The following PKLR variants were observed in gnomAD, a reference collection of about 807,000 sequenced individuals.
PKLR encodes pyruvate kinase L/R.
In PKLR, 38 loss-of-function variants were observed where a neutral mutation model predicts 53.6. The observed-to-expected ratio is 0.71, with a 90% CI of 0.55 to 0.93. The LOEUF is 0.93. Among genes scored for constraint, PKLR ranks in the 40% least tolerant of loss-of-function variants. The probability of loss-of-function intolerance (pLI) is 0.00; values close to 1 mark genes in which losing one functional copy is unlikely to be tolerated. For missense variants in PKLR, 702 were observed against 787.3 expected (o/e 0.89, Z 1.30); for synonymous variants, 328 against 316.2 (o/e 1.04, Z -0.39).
intron 10 of PKLR, among the ~76,000 whole-genome samples, chr1:155,290,955 C>A (rs1338132193): frequency 6.7e-6 from 1 of 150,282 alleles, no homozygotes; most frequent in Non-Finnish European, 1.5e-5. Context: ...CACCACTGCA[C>A]TCCAGCCTGG....
intron 5 of PKLR, 147 bp from the exon 6 acceptor site, chr1:155,294,899 A>T: frequency 8.5e-7 from 1 of 1,179,878 alleles, no homozygotes; most frequent in Non-Finnish European, 1.2e-6. Flanking sequence ...CGCCCGGAAG[A>T]GGCACAGATG....
rs757359024 is a variant in PKLR, at chr1:155,295,296, C to T, written c.514G>A (p.Glu172Lys). ...CCCTTCACCAGCTCCACTTCCGACT[C>T]TGGACCCTAAGGAGGGAGCCAGAGG... The part of the protein sequence containing the change: ...IRTGILQGGP[E>K]SEVELVKGSQ... Residue 172 changes from glutamate (E) to lysine (K), a missense_variant, in exon 5 of 11, where the codon GAG (glutamate) becomes AAG (lysine). Glu to Lys is a moderately conservative substitution (Grantham distance 56, BLOSUM62 1). Around this residue, in one of 2 missense-constraint regions of PKLR, gnomAD observed 519 missense variants for 537.1 expected, o/e 0.97. Coordinates refer to ENST00000342741, the MANE Select transcript of PKLR (RefSeq NM_000298.6). This position sits in a 1 kb window ranked among gnomAD's most constrained non-coding sequence, Gnocchi z 4.3. The T allele has an allele frequency of 3.1e-6, 5 of 1,614,042 alleles. No individual in the cohort carries two copies. The highest frequency in any genetic ancestry group is 4.2e-6 in the Non-Finnish European group (5 of 1,179,970).
chr1:155,299,860 C>T (rs778779698), intron 2 of PKLR, among the ~76,000 whole-genome samples: 8 of 152,124 alleles, frequency 5.3e-5, no homozygotes, highest in Non-Finnish European at 1.0e-4. Flanking sequence ...ATTGTGCTTA[C>T]TATTTATTGT....
At chr1:155,301,075 C>G (rs1647968993) in intron 1 of PKLR, 1 of 1,514,978 alleles carries the variant, frequency 6.6e-7, no homozygotes, top group African/African-American at 1.4e-5. Context: ...GGGAGTGCCC[C>G]GTGGCTTACA....
chr1:155,300,948 CA>C, intron 1 of PKLR: 1 of 1,590,562 alleles, frequency 6.3e-7, no homozygotes, highest in African/African-American at 1.3e-5. Context: ...GTTGGGTTGT[CA>C]GAGGCATGAG....
Position 155,293,062 on chromosome 1 carries a change from T to C in PKLR, c.1436+115A>G, listed in dbSNP as rs1647303778. The C allele has an allele frequency of 9.3e-7, 1 of 1,079,232 alleles. No individual in the cohort carries two copies. Among genetic ancestry groups the C allele is most frequent in the African/African-American group, 1.6e-5 (1 of 64,350 alleles). 66.9% of individuals were successfully genotyped at this position (1,079,232 alleles called of 1,614,324 possible). On this transcript the variant is annotated intron_variant, in intron 9 of 10. Transcript: ENST00000342741. The surrounding 1 kb of genome is among the most constrained non-coding windows in gnomAD (Gnocchi z 4.2). ...CAGCTGTCATTGCTGCCTCTCCTCT[T>C]GTCTCAGGTGGACACTCTTCACCCC...
intron 2 of PKLR, among the ~76,000 whole-genome samples, chr1:155,298,997 TC>T (rs1250102250): frequency 1.0e-5 from 1 of 98,148 alleles, no homozygotes; most frequent in Non-Finnish European, 1.9e-5. Context: ...TTTCTTTCTT[TC>T]TTTCTTTCTT....
Position 155,301,073 on chromosome 1 carries a change from C to T in PKLR, c.100+223G>A, listed in dbSNP as rs1025535874. 3 of 1,518,838 alleles carry T rather than the reference C, an allele frequency of 2.0e-6. 1 individual carries two copies. The highest frequency in any genetic ancestry group is 2.0e-5 in the Admixed American group (1 of 50,482). The allele number at this position is 1,518,838 out of a possible 1,614,324, so 94.1% of individuals were successfully genotyped here. ...CAGAGTCCAGGAACCACGGGAGTGC[C>T]CCGTGGCTTACATGCTGTGGCTCTG... On this transcript the variant is annotated intron_variant, in intron 1 of 10. Transcript: ENST00000342741.
chr1:155,295,066 G>T lies in PKLR; in HGVS notation c.694+50C>A. The T allele has an allele frequency of 6.3e-7, 1 of 1,591,016 alleles. No homozygotes were observed. Among genetic ancestry groups the T allele is most frequent in the Non-Finnish European group, 8.6e-7 (1 of 1,162,332 alleles). Reference sequence around the variant, plus strand: ...GGCTGATGGGGGAGCCAAGGAGAAGGGAATGTGCCCAGCGCACGGATGTGG... The same window carrying T: ...GGCTGATGGGGGAGCCAAGGAGAAGTGAATGTGCCCAGCGCACGGATGTGG... On this transcript the variant is annotated intron_variant, in intron 5 of 10. Transcript: ENST00000342741. This position sits in a 1 kb window ranked among gnomAD's most constrained non-coding sequence, Gnocchi z 4.3.
chr1:155,294,164 C>A, intron 7 of PKLR, 71 bp downstream of exon 7: 1 of 1,481,442 alleles, frequency 6.8e-7, no homozygotes, highest in Non-Finnish European at 9.4e-7. Flanking sequence ...TAAACCCCTA[C>A]AGTGTGGGTA....
In PKLR at chr1:155,293,126, G is replaced by T; in HGVS notation, c.1436+51C>A. The T allele has an allele frequency of 4.0e-6, 4 of 1,005,574 alleles. No individual in the cohort carries two copies. Among genetic ancestry groups the T allele is most frequent in the South Asian group, 1.3e-5 (1 of 79,928 alleles). 62.3% of individuals were successfully genotyped at this position (1,005,574 alleles called of 1,614,324 possible). On this transcript the variant is annotated intron_variant, in intron 9 of 10. Transcript: ENST00000342741. The surrounding 1 kb of genome is among the most constrained non-coding windows in gnomAD (Gnocchi z 4.2). ...AAACCCAAGCCTGGGGCCCGTCCCA[G>T]CCCACCCCTGACCCAAAGCTCCATC...
rs1572058535 is a variant in PKLR, at chr1:155,296,501, C to T, written c.284-745G>A. Among the ~76,000 whole-genome samples, 4 of 152,030 alleles carry T rather than the reference C, an allele frequency of 2.6e-5. No individual in the cohort carries two copies. The East Asian group carries it at 7.7e-4, about 29-fold the overall frequency. ...GGGATTACAGGTGTGCACCACCACG[C>T]CTGGCTAATTTTTTTGTATTTTTAG... On this transcript the variant is annotated intron_variant, in intron 2 of 10. Transcript: ENST00000342741.
Position 155,294,471 on chromosome 1 carries a change from C to G in PKLR, c.965+11G>C. 4 of 1,614,214 alleles carry G rather than the reference C, an allele frequency of 2.5e-6. No homozygotes were observed. The highest frequency in any genetic ancestry group is 2.5e-6 in the Non-Finnish European group (3 of 1,180,032). Reference sequence around the variant, plus strand: ...CGACAGGGCCGAAGGGGAACAGAGCCCAAGCCTCACCTCTTCACGCCTTCG... The same window carrying G: ...CGACAGGGCCGAAGGGGAACAGAGCGCAAGCCTCACCTCTTCACGCCTTCG... On this transcript the variant is annotated intron_variant, in intron 6 of 10. Coordinates refer to ENST00000342741, the MANE Select transcript of PKLR (RefSeq NM_000298.6).
chr1:155,295,806 G>A lies in PKLR; in HGVS notation c.284-50C>T, dbSNP rs1291730765. The A allele has an allele frequency of 6.6e-7, 1 of 1,523,512 alleles. No homozygotes were observed. The highest frequency in any genetic ancestry group is 9.1e-7 in the Non-Finnish European group (1 of 1,098,392). 94.4% of individuals were successfully genotyped at this position (1,523,512 alleles called of 1,614,324 possible). On this transcript the variant is annotated intron_variant, in intron 2 of 10. Coordinates refer to ENST00000342741, the MANE Select transcript of PKLR (RefSeq NM_000298.6). This position sits in a 1 kb window ranked among gnomAD's most constrained non-coding sequence, Gnocchi z 4.3. ...ACAACGTTCCCCCAGAACATGAGAG[G>A]CAACCAAACCCAACCCATTACCATT...
chr1:155,290,651 C>T lies in PKLR; in HGVS notation c.1646G>A (p.Gly549Glu), dbSNP rs1340409753. Residue 549 changes from glycine (G) to glutamate (E), a missense_variant, in exon 11 of 11, where the codon GGA (glycine) becomes GAA (glutamate). Gly to Glu is a moderately conservative substitution (Grantham distance 98). Transcript: ENST00000342741. ...GCCTGTCACCACAATCACCAGGTCT[C>T]CAACACGGAGGAAGCCACGGAGCTT... The part of the protein sequence containing the change: ...SGKLRGFLRV[G>E]DLVIVVTGWR... 1 of 1,612,920 alleles carries T rather than the reference C, an allele frequency of 6.2e-7. No homozygotes were observed. The highest frequency in any genetic ancestry group is 8.5e-7 in the Non-Finnish European group (1 of 1,179,206).
At chr1:155,297,125 C>A (rs1647643781) in intron 2 of PKLR, among the ~76,000 whole-genome samples, 1 of 152,176 alleles carries the variant, frequency 6.6e-6, no homozygotes, top group African/African-American at 2.4e-5. Flanking sequence ...TCCGTCATTT[C>A]ACCTACACTC....
intron 2 of PKLR, among the ~76,000 whole-genome samples, chr1:155,297,578 AC>A (rs1440155491): frequency 7.9e-6 from 1 of 126,986 alleles, no homozygotes; most frequent in African/African-American, 2.9e-5. Flanking sequence ...CCTTCCCCCC[AC>A]CCCCCATCTA....
At chr1:155,307,288 G>T in the PKLR span, among the ~76,000 whole-genome samples, 1 of 152,138 alleles carries the variant, frequency 6.6e-6, no homozygotes, top group Non-Finnish European at 1.5e-5. Context: ...TTATATACAC[G>T]GAATCATACA....
chr1:155,299,616 C>T (rs1305841891), intron 2 of PKLR, among the ~76,000 whole-genome samples: 1 of 147,798 alleles, frequency 6.8e-6, no homozygotes, highest in Non-Finnish European at 1.5e-5. Context: ...AAGCGATTCT[C>T]CTGCCTCAGC....
Sources: allele counts gnomAD v4.1 joint callset (sites outside exome capture counted in the v4.1 genomes callset), GRCh38; gene constraint gnomAD v4.1.1; regional missense constraint gnomAD v4.1.1; non-coding constraint Gnocchi (gnomAD v3.1); transcripts MANE v1.5; gene names NCBI Gene and HGNC (gene_info 2026-07-23, HGNC 2026-07-21).